Variants in SNTG2 observed in about 807,000 individuals in gnomAD.
SNTG2 encodes the protein syntrophin gamma 2, also known as gamma-2-syntrophin.
Under a neutral mutation model 70.9 loss-of-function variants are expected in SNTG2, and 74 were observed. The observed-to-expected ratio is 1.04, with a 90% confidence interval of 0.86 to 1.27. The LOEUF (loss-of-function observed/expected upper bound fraction) is 1.27. Among genes scored for constraint, SNTG2 ranks in the 50% most tolerant of loss-of-function variants. SNTG2 has a pLI of 0.00. For synonymous variants in SNTG2, 278 were observed against 273.8 expected (o/e 1.02, Z -0.15); for missense variants, 717 against 690.7 (o/e 1.04, Z -0.43).
chr2:1,150,704 A>G (rs1669421218), intron 6 of SNTG2, among the ~76,000 whole-genome samples: 1 of 17,944 alleles, frequency 5.6e-5, no homozygotes, highest in South Asian at 6.8e-4. Flanking sequence ...TCAGCAGCAA[A>G]TGTCGTGTTA....
At chr2:958,229 C>T (rs1553301418) in intron 1 of SNTG2, among the ~76,000 whole-genome samples, 8 of 152,150 alleles carry the variant, frequency 5.3e-5, no homozygotes, top group Non-Finnish European at 1.2e-4. Context: ...GAAATGGCCC[C>T]AAATGCGTTT....
intron 1 of SNTG2, among the ~76,000 whole-genome samples, chr2:1,063,989 A>G (rs1315584288): frequency 1.3e-5 from 2 of 152,246 alleles, no homozygotes; most frequent in Non-Finnish European, 2.9e-5. Context: ...GAAAGCATAT[A>G]ATAATCAAAC....
At chr2:959,925 T>C (rs1002409755) in intron 1 of SNTG2, among the ~76,000 whole-genome samples, 2 of 152,152 alleles carry the variant, frequency 1.3e-5, no homozygotes, top group African/African-American at 4.8e-5. Context: ...TATACCTATC[T>C]AGCAGCTCAT....
chr2:1,272,316 CAGGTGCAGTTCACAAT>C (rs1303339385), intron 14 of SNTG2, among the ~76,000 whole-genome samples: 6 of 151,516 alleles, frequency 4.0e-5, no homozygotes, highest in African/African-American at 1.2e-4. Flanking sequence ...AGATCCCTCA[CAGGTGCAGTTCACAAT>C]AGGGTTCCCG....
chr2:1,259,935 C>G (rs565697101), intron 13 of SNTG2, among the ~76,000 whole-genome samples: 1 of 152,282 alleles, frequency 6.6e-6, no homozygotes, highest in South Asian at 2.1e-4. Flanking sequence ...GCAGCAGGGC[C>G]CTAGCCCAGG....
At chr2:1,110,028 G>A (rs1666338571) in intron 4 of SNTG2, among the ~76,000 whole-genome samples, 1 of 152,162 alleles carries the variant, frequency 6.6e-6, no homozygotes, top group Non-Finnish European at 1.5e-5. Context: ...TTGGACACGA[G>A]GCTCACTGTT....
chr2:1,318,595 C>T (rs1681391559), intron 16 of SNTG2, among the ~76,000 whole-genome samples: 2 of 152,234 alleles, frequency 1.3e-5, no homozygotes. Flanking sequence ...TCTCAGCAGG[C>T]TGCCCTGAGC....
At chr2:1,020,618 A>G (rs973209329) in intron 1 of SNTG2, among the ~76,000 whole-genome samples, 3 of 152,036 alleles carry the variant, frequency 2.0e-5, no homozygotes, top group South Asian at 2.1e-4. Flanking sequence ...GTCTAATAAT[A>G]TACTCCTCAT....
intron 6 of SNTG2, among the ~76,000 whole-genome samples, chr2:1,155,254 C>G (rs528836118): frequency 6.6e-6 from 1 of 151,160 alleles, no homozygotes; most frequent in East Asian, 2.0e-4. Context: ...CATACACACA[C>G]CACACACACA....
intron 16 of SNTG2, among the ~76,000 whole-genome samples, chr2:1,348,642 T>G (rs1660422986): frequency 1.3e-5 from 2 of 152,230 alleles, no homozygotes; most frequent in South Asian, 4.1e-4. Flanking sequence ...TGTATTTGAT[T>G]GAAGTCTGCT....
At chr2:953,455 T>G (rs1258267802) in intron 1 of SNTG2, among the ~76,000 whole-genome samples, 1 of 152,234 alleles carries the variant, frequency 6.6e-6, no homozygotes, top group Non-Finnish European at 1.5e-5. Context: ...GCACGTTAGG[T>G]CATTTTAAAG....
At chr2:1,123,543 A>G (rs1265002581) in intron 4 of SNTG2, among the ~76,000 whole-genome samples, 2 of 152,178 alleles carry the variant, frequency 1.3e-5, no homozygotes, top group Non-Finnish European at 2.9e-5. Context: ...CTTACACCGT[A>G]TAGGAAACCT....
chr2:1,022,861 AT>A (rs1660269626), intron 1 of SNTG2, among the ~76,000 whole-genome samples: 1 of 152,230 alleles, frequency 6.6e-6, no homozygotes, highest in South Asian at 2.1e-4. Flanking sequence ...GATAGCGAAT[AT>A]AAATCCATAG....
intron 6 of SNTG2, among the ~76,000 whole-genome samples, chr2:1,164,556 GGGCGA>G: frequency 1.4e-4 from 20 of 141,438 alleles, no homozygotes; most frequent in African/African-American, 5.2e-4. Context: ...GTAGAGGAGA[GGGCGA>G]GGTGGGATAT....
At chr2:1,104,758 C>G (rs1367585335) in intron 4 of SNTG2, among the ~76,000 whole-genome samples, 1 of 152,178 alleles carries the variant, frequency 6.6e-6, no homozygotes, top group East Asian at 1.9e-4. Flanking sequence ...GTGAATAGGG[C>G]TTGCTCTTCT....
At chr2:1,229,757 C>T (rs915866004) in intron 9 of SNTG2, among the ~76,000 whole-genome samples, 7 of 152,242 alleles carry the variant, frequency 4.6e-5, no homozygotes, top group Non-Finnish European at 7.3e-5. Context: ...GGAAGGCAGC[C>T]AAGGCCCAGT....
chr2:1,196,973 AAAGAG>A (rs754372190), intron 8 of SNTG2, among the ~76,000 whole-genome samples: 1 of 152,164 alleles, frequency 6.6e-6, no homozygotes, highest in Non-Finnish European at 1.5e-5. Context: ...AGTAAATGAA[AAAGAG>A]AAAAGACTCA....
chr2:1,224,784 G>A (rs534620808), intron 9 of SNTG2, among the ~76,000 whole-genome samples: 40 of 152,286 alleles, frequency 2.6e-4, no homozygotes, highest in Admixed American at 3.9e-4. Flanking sequence ...GTTCTGAATC[G>A]GGGCTCGCCT....
chr2:1,056,949 CGCT>C (rs1558349354), intron 1 of SNTG2, among the ~76,000 whole-genome samples: 9 of 7,144 alleles, frequency 1.3e-3, no homozygotes, highest in Non-Finnish European at 1.9e-3. Flanking sequence ...CGCGGCGCCC[CGCT>C]GTGGGGAGGG....
Sources: gnomAD v4.1 joint callset for allele counts (sites outside exome capture counted in the v4.1 genomes callset) on GRCh38, gnomAD v4.1.1 for gene constraint, MANE v1.5 for transcripts, NCBI Gene and HGNC (gene_info 2026-07-23, HGNC 2026-07-21) for gene names.